The following SLC30A5 variants were observed in gnomAD, a reference collection of about 807,000 sequenced individuals.
SLC30A5 encodes the protein proton-coupled zinc antiporter SLC30A5.
A neutral mutation model predicts 79.6 loss-of-function variants in SLC30A5; 33 were observed. That is an observed-to-expected ratio of 0.41 (90% confidence interval 0.31 to 0.55). The LOEUF (loss-of-function observed/expected upper bound fraction) is 0.55. Among genes scored for constraint, SLC30A5 ranks in the 20% least tolerant of loss-of-function variants. The probability of loss-of-function intolerance (pLI) is 0.20; values close to 1 mark genes in which losing one functional copy is unlikely to be tolerated. For missense variants in SLC30A5, 788 were observed against 928.1 expected (o/e 0.85, Z 1.96); for synonymous variants, 299 against 319.7 (o/e 0.94, Z 0.69).
At position 69,129,744 on chromosome 5, in the gene SLC30A5, A is replaced by G. The variant is rs1429407121; in HGVS notation, c.*127A>G. Reference sequence around the variant, plus strand: ...AAACAGAGTTCCCTACTACTGGATCAAGGAATCTTTCTTGAAGGAAATTTA... The same window carrying G: ...AAACAGAGTTCCCTACTACTGGATCGAGGAATCTTTCTTGAAGGAAATTTA... On this transcript the variant is annotated 3_prime_UTR_variant, in exon 16 of 16. Transcript: ENST00000396591. The G allele has an allele frequency of 1.4e-6, 1 of 717,080 alleles. No individual in the cohort carries two copies. Among genetic ancestry groups the G allele is most frequent in the Non-Finnish European group, 2.1e-6 (1 of 476,728 alleles). The allele number at this position is 717,080 out of a possible 1,614,324, so 44.4% of individuals were successfully genotyped here. A position where few individuals can be genotyped will look rare whatever the true frequency, so the allele number is the denominator to read the frequency against.
chr5:69,110,447 A>G (rs1273532740), intron 5 of SLC30A5, among the ~76,000 whole-genome samples: 1 of 152,214 alleles, frequency 6.6e-6, no homozygotes, highest in African/African-American at 2.4e-5. Flanking sequence ...GAGCAGAGTA[A>G]AAGAATACTC....
At position 69,118,560 on chromosome 5, in the gene SLC30A5, T is replaced by C. The variant is rs201576205; in HGVS notation, c.1501T>C (p.Phe501Leu). The change falls in exon 12 of 16, where the codon TTT becomes CTT. Residue 501 changes from phenylalanine (F) to leucine (L), a missense_variant. This residue lies in a region of SLC30A5 where 626 missense variants were observed against 755.5 expected (regional missense o/e 0.83). Coordinates refer to ENST00000396591, the MANE Select transcript of SLC30A5 (RefSeq NM_022902.5). The stretch of plus-strand genomic sequence containing the variant: ...TGGACTTTTTCTAATAGTAATAGCG[T>C]TTTTTGTGTTTATGGAGTCAGTGGC... ...INGLFLIVIA[F>L]FVFMESVARL... The C allele has an allele frequency of 1.1e-4, 169 of 1,603,706 alleles. No individual in the cohort carries two copies. The highest frequency in any genetic ancestry group is 6.6e-4 in the Middle Eastern group (4 of 6,028).
At chr5:69,123,007 T>C (rs1746576405) in intron 13 of SLC30A5, among the ~76,000 whole-genome samples, 192 bp from the exon 14 acceptor site, 1 of 152,232 alleles carries the variant, frequency 6.6e-6, no homozygotes, top group Non-Finnish European at 1.5e-5. Flanking sequence ...CATGAGTGCC[T>C]ATGTCCTTAT....
intron 12 of SLC30A5, among the ~76,000 whole-genome samples, chr5:69,120,826 A>G (rs1028866351): frequency 2.0e-5 from 3 of 152,236 alleles, no homozygotes; most frequent in African/African-American, 7.2e-5. Flanking sequence ...TTTTCCTTTT[A>G]TAAAACAAAT....
At chr5:69,118,325 G>GTGTGTATA (rs60416809) in intron 11 of SLC30A5, 174 bp from the exon 12 acceptor site, 4 of 188,328 alleles carry the variant, frequency 2.1e-5, no homozygotes, top group African/African-American at 1.1e-4. Flanking sequence ...ATATATATAT[G>GTGTGTATA]TATATATATA....
At chr5:69,121,570 G>A in intron 12 of SLC30A5, 124 bp from the exon 13 acceptor site, 1 of 649,880 alleles carries the variant, frequency 1.5e-6, no homozygotes, top group Non-Finnish European at 2.5e-6. Flanking sequence ...AACTTAGTAA[G>A]GTTTTACTGT....
chr5:69,095,750 C>G (rs529663526), intron 1 of SLC30A5, among the ~76,000 whole-genome samples: 1 of 152,068 alleles, frequency 6.6e-6, no homozygotes, highest in South Asian at 2.1e-4. Context: ...GGACTATGGA[C>G]AGTAGATTAA....
intron 15 of SLC30A5, 72 bp downstream of exon 15, chr5:69,128,204 A>T: frequency 2.0e-6 from 2 of 1,014,728 alleles, no homozygotes; most frequent in East Asian, 3.0e-5. Context: ...CATAAGTTAT[A>T]TGGCTCAGTA....
rs771980477 is a variant in SLC30A5 at position 69,123,268 on chromosome 5, A to T, written c.1841A>T (p.Glu614Val). The T allele has an allele frequency of 2.5e-6, 4 of 1,613,872 alleles. No individual in the cohort carries two copies. The African/African-American group carries it at 5.3e-5, about 22-fold the overall frequency. ...GTGATCGTATCCACAGTTCTTATAG[A>T]GCAGTTTGGATGGTTCATCGCTGAC... Reference protein sequence around the residue: ...IGVIVSTVLIEQFGWFIADPL... With the variant: ...IGVIVSTVLIVQFGWFIADPL... Residue 614 changes from glutamate to valine, a missense_variant, in exon 14 of 16, where the codon GAG becomes GTG. By Grantham distance (121) the Glu-to-Val change is moderately radical. Coordinates refer to ENST00000396591, the MANE Select transcript of SLC30A5 (RefSeq NM_022902.5).
chr5:69,098,583 T>A (rs1745813582), intron 1 of SLC30A5, among the ~76,000 whole-genome samples: 2 of 152,186 alleles, frequency 1.3e-5, no homozygotes, highest in South Asian at 4.1e-4. Context: ...AAAATAAAAA[T>A]CAGTGTGTAA....
intron 5 of SLC30A5, among the ~76,000 whole-genome samples, chr5:69,110,656 A>AT (rs397958557): frequency 6.6e-6 from 1 of 152,120 alleles, no homozygotes; most frequent in East Asian, 1.9e-4. Flanking sequence ...AGTGGAAAAA[A>AT]TCACAAAGGG....
chr5:69,112,840 A>G (rs1264356727), intron 5 of SLC30A5, among the ~76,000 whole-genome samples: 2 of 152,176 alleles, frequency 1.3e-5, no homozygotes, highest in African/African-American at 4.8e-5. Flanking sequence ...CCAGAAGTAA[A>G]GTAGCATTTA....
At chr5:69,117,972 G>A (rs1349670767) in intron 11 of SLC30A5, among the ~76,000 whole-genome samples, 2 of 151,032 alleles carry the variant, frequency 1.3e-5, no homozygotes, top group Admixed American at 6.6e-5. Flanking sequence ...TCAGGAGATC[G>A]AGACCATCCT....
chr5:69,123,526 A>G (rs1746592629), intron 14 of SLC30A5, 101 bp downstream of exon 14: 1 of 858,368 alleles, frequency 1.2e-6, no homozygotes, highest in Non-Finnish European at 1.8e-6. Context: ...ATAAAACAAA[A>G]CGAGGCCAAA....
At chr5:69,104,556 T>C (rs1746029524) in intron 3 of SLC30A5, 75 bp from the exon 4 acceptor site, 6 of 1,447,780 alleles carry the variant, frequency 4.1e-6, no homozygotes, top group Non-Finnish European at 5.5e-6. Flanking sequence ...TATCTTTCTG[T>C]ATTTTATTTA....
At position 69,116,291 on chromosome 5, in the gene SLC30A5, TG is replaced by T; in HGVS notation, c.1072+80del. ...TGATGGTCACATCATTTACTTATTT[TG>T]GGAAATTCTTCAGTGCTTGCATTTA... On this transcript the variant is annotated intron_variant, in intron 9 of 15. Coordinates refer to ENST00000396591, the MANE Select transcript of SLC30A5 (RefSeq NM_022902.5). The surrounding 1 kb of genome is among the most constrained non-coding windows in gnomAD (Gnocchi z 4.0). The T allele has an allele frequency of 6.6e-7, 1 of 1,508,658 alleles. No individual in the cohort carries two copies. The highest frequency in any genetic ancestry group is 8.9e-7 in the Non-Finnish European group (1 of 1,125,928). 93.5% of individuals were successfully genotyped at this position (1,508,658 alleles called of 1,614,324 possible).
chr5:69,097,019 A>C (rs181392083), intron 1 of SLC30A5, among the ~76,000 whole-genome samples: 104 of 152,050 alleles, frequency 6.8e-4, no homozygotes, highest in Middle Eastern at 3.4e-3. Context: ...ACAACAACAA[A>C]AAAAAAGTAA....
chr5:69,115,261 G>T lies in SLC30A5; in HGVS notation c.637G>T (p.Ala213Ser). 1.2e-6 allele frequency: 2 copies of T among 1,613,506 alleles called. No homozygotes were observed. Among genetic ancestry groups the T allele is most frequent in the East Asian group, 2.2e-5 (1 of 44,860 alleles). ...HKGGVLLLVL[A>S]LCCKVGFHTA... Reference sequence around the variant, plus strand: ...GGGTGGAGTATTATTGCTAGTACTGGCTTTGTGTTGTAAAGTTGGTTTTCA... The same window carrying T: ...GGGTGGAGTATTATTGCTAGTACTGTCTTTGTGTTGTAAAGTTGGTTTTCA... The change falls in exon 8 of 16, where the codon GCT becomes TCT. Residue 213 changes from alanine (A) to serine (S), a missense_variant. Around this residue, in one of 3 missense-constraint regions of SLC30A5, gnomAD observed 626 missense variants for 755.5 expected, o/e 0.83. Coordinates refer to ENST00000396591, the MANE Select transcript of SLC30A5 (RefSeq NM_022902.5).
intron 14 of SLC30A5, among the ~76,000 whole-genome samples, chr5:69,124,129 A>C (rs1643797992): frequency 6.6e-6 from 1 of 151,354 alleles, no homozygotes; most frequent in South Asian, 2.1e-4. Context: ...AAAAAAAAAA[A>C]ACCTAACAGT....
Sources: allele counts gnomAD v4.1 joint callset (sites outside exome capture counted in the v4.1 genomes callset), GRCh38; gene constraint gnomAD v4.1.1; regional missense constraint gnomAD v4.1.1; non-coding constraint Gnocchi (gnomAD v3.1); transcripts MANE v1.5; gene names NCBI Gene and HGNC (gene_info 2026-07-23, HGNC 2026-07-21).